The following MAP3K13 variants were observed in gnomAD, a reference collection of about 807,000 sequenced individuals.
MAP3K13 encodes the protein mitogen-activated protein kinase kinase kinase 13.
Under a neutral mutation model 104.0 loss-of-function variants are expected in MAP3K13, and 52 were observed. The ratio of observed to expected loss-of-function variants is 0.50; its 90% confidence interval spans 0.40 to 0.63. MAP3K13 has a LOEUF of 0.63. Among genes scored for constraint, MAP3K13 ranks in the 20% least tolerant of loss-of-function variants. The pLI is 0.00. For synonymous variants in MAP3K13, 394 were observed against 442.2 expected (o/e 0.89, Z 1.37); for missense variants, 914 against 1,218.5 (o/e 0.75, Z 3.72).
chr3:185,385,200 G>C (rs909923787), intron 1 of MAP3K13, among the ~76,000 whole-genome samples: 1 of 152,152 alleles, frequency 6.6e-6, no homozygotes, highest in Non-Finnish European at 1.5e-5. Flanking sequence ...TCTCAGGCTG[G>C]AGTGCAGTGG....
chr3:185,402,744 A>G (rs920786497), intron 1 of MAP3K13, among the ~76,000 whole-genome samples: 3 of 152,188 alleles, frequency 2.0e-5, no homozygotes, highest in African/African-American at 7.2e-5. Flanking sequence ...TTATGTGCGC[A>G]TGTGTAAAAA....
At chr3:185,459,606 T>G (rs1327257720) in intron 7 of MAP3K13, among the ~76,000 whole-genome samples, 4 of 151,918 alleles carry the variant, frequency 2.6e-5, no homozygotes, top group African/African-American at 9.7e-5. Flanking sequence ...CCTGCCATCA[T>G]GCTGGCTAAT....
At chr3:185,372,266 C>T (rs1293957326) in intron 1 of MAP3K13, among the ~76,000 whole-genome samples, 1 of 152,176 alleles carries the variant, frequency 6.6e-6, no homozygotes, top group Non-Finnish European at 1.5e-5. Flanking sequence ...GGCTCAAGAG[C>T]CCATTTACAA....
intron 1 of MAP3K13, among the ~76,000 whole-genome samples, chr3:185,379,923 C>T (rs1242338057): frequency 6.6e-6 from 1 of 151,916 alleles, no homozygotes; most frequent in Non-Finnish European, 1.5e-5. Flanking sequence ...CAGTGGCTCA[C>T]GCCTGTAATC....
chr3:185,307,850 A>C (rs927606363), intron 2 of MAP3K13, among the ~76,000 whole-genome samples: 1 of 151,810 alleles, frequency 6.6e-6, no homozygotes. Context: ...CCTTTAAAAT[A>C]GTTTTTATCT....
At position 185,351,849 on chromosome 3, in the gene MAP3K13, G is replaced by A. The variant is rs547228787; in HGVS notation, c.-86+66206G>A. Among the ~76,000 whole-genome samples the A allele has an allele frequency of 2.0e-5, 3 of 152,292 alleles. No homozygotes were observed. In the South Asian group the frequency reaches 6.2e-4, roughly 32 times the overall value. ...TCATTAGCAACCCTAAAGCAGGCAG[G>A]TAATTCAGGACAGATAGACAGCTTT... On this transcript the variant is annotated intron_variant, in intron 2 of 14. Transcript: ENST00000424227.
rs765725322 is a variant in MAP3K13, at chr3:185,466,865, C to T, written c.1545C>T (p.Tyr515=). Residue 515 remains tyrosine (Y), a synonymous_variant, in exon 10 of 14, where the codon TAC becomes TAT. Transcript: ENST00000265026. ...TGGAAAAGAAGTATCCTGGGACCTA[C>T]AAACGACACCCTGTTCGTCCTATCA... ...QAVEKKYPGT[Y]KRHPVRPIIH... 5.0e-6 allele frequency: 8 copies of T among 1,613,854 alleles called. No individual in the cohort carries two copies. Among genetic ancestry groups the T allele is most frequent in the African/African-American group, 1.3e-5 (1 of 74,914 alleles).
intron 1 of MAP3K13, among the ~76,000 whole-genome samples, chr3:185,285,001 G>C (rs1720459123): frequency 6.6e-6 from 1 of 151,840 alleles, no homozygotes; most frequent in Non-Finnish European, 1.5e-5. Flanking sequence ...GGGTATAGTG[G>C]GGTAGGAAAC....
chr3:185,374,678 G>A lies in MAP3K13; in HGVS notation c.-86+11310G>A, dbSNP rs149987839. Among the ~76,000 whole-genome samples, 599 of 152,012 alleles carry A rather than the reference G, an allele frequency of 3.9e-3. 4 individuals carry two copies. Among genetic ancestry groups the A allele is most frequent in the African/African-American group, 0.014 (572 of 41,482 alleles). ...GCAAGCTTTTAGGCTCTATCTTTGA[G>A]TTTTTTTTAATGTCGTCATATACCA... On this transcript the variant is annotated intron_variant, in intron 1 of 13. Transcript: ENST00000265026.
chr3:185,485,698 A>G lies in MAP3K13; in HGVS notation c.*3242A>G, dbSNP rs570358537. 10 of 152,308 alleles carry G rather than the reference A, an allele frequency of 6.6e-5. No homozygotes were observed. The highest frequency in any genetic ancestry group is 2.4e-4 in the African/African-American group (10 of 41,572). 9.4% of individuals were successfully genotyped at this position (152,308 alleles called of 1,614,324 possible). On this transcript the variant is annotated 3_prime_UTR_variant, in exon 14 of 14. Transcript: ENST00000265026. ...GAGTGCTGTGCCTAATTTACAAATT[A>G]AATTTTATCATAGATATGTAAGTAT...
chr3:185,285,475 T>C, intron 1 of MAP3K13: 1 of 581,606 alleles, frequency 1.7e-6, no homozygotes, highest in South Asian at 2.7e-5. Flanking sequence ...GGTATCTCAG[T>C]GGTACCTTAG....
rs114962588 is a variant in MAP3K13, at chr3:185,309,080, T to G, written c.-86+23437T>G. The stretch of plus-strand genomic sequence containing the variant: ...AGGGCCGCACACTATTCCAGTGTGA[T>G]CTCATCTTAACTTGATTATATCTGC... On this transcript the variant is annotated intron_variant, in intron 2 of 14. Transcript: ENST00000424227. Among the ~76,000 whole-genome samples, 809 of 152,334 alleles carry G rather than the reference T, an allele frequency of 5.3e-3. 12 individuals carry two copies. Among genetic ancestry groups the G allele is most frequent in the African/African-American group, 0.019 (780 of 41,578 alleles).
chr3:185,309,426 C>T (rs9868765), intron 2 of MAP3K13, among the ~76,000 whole-genome samples: 117,295 of 150,902 alleles, frequency 0.78, 46,111 homozygotes, highest in Non-Finnish European at 0.84. Flanking sequence ...GTGCGAGGGT[C>T]GCTTGAGCCC....
intron 1 of MAP3K13, among the ~76,000 whole-genome samples, chr3:185,415,352 T>A (rs940178879): frequency 1.3e-5 from 2 of 151,362 alleles, no homozygotes; most frequent in African/African-American, 4.9e-5. Context: ...GAGATGGGGT[T>A]TTCTCATGTT....
intron 13 of MAP3K13, chr3:185,481,102 A>G (rs1000494998): frequency 5.8e-5 from 9 of 156,070 alleles, no homozygotes; most frequent in Admixed American, 5.6e-4. Context: ...ACACACACAC[A>G]TTGAACTGCT....
chr3:185,308,344 C>T (rs1168327497), intron 2 of MAP3K13, among the ~76,000 whole-genome samples: 3 of 152,060 alleles, frequency 2.0e-5, no homozygotes, highest in Non-Finnish European at 2.9e-5. Flanking sequence ...TCTGGTGTTC[C>T]TACAAGCTGC....
intron 7 of MAP3K13, among the ~76,000 whole-genome samples, chr3:185,457,764 AC>A (rs1716851021): frequency 6.6e-6 from 1 of 151,952 alleles, no homozygotes; most frequent in Non-Finnish European, 1.5e-5. Flanking sequence ...CTATTTTGCT[AC>A]CTCCTAGAAT....
chr3:185,337,563 G>A (rs1038834128), intron 2 of MAP3K13, among the ~76,000 whole-genome samples: 4 of 152,140 alleles, frequency 2.6e-5, no homozygotes, highest in African/African-American at 9.7e-5. Context: ...ACTGATTTCG[G>A]GCCTGTGTTA....
rs1033001862 is a variant in MAP3K13, at chr3:185,447,849, C to T, written c.912C>T (p.Leu304=). The stretch of plus-strand genomic sequence containing the variant: ...CAGATTTTGGTACATCTAAGGAACT[C>T]AGTGACAAAAGTACCAAGATGTCAT... ...KISDFGTSKE[L]SDKSTKMSFA... is the part of the protein sequence containing the mutation. The change falls in exon 5 of 14, where the codon CTC becomes CTT. Residue 304 remains leucine (L), a synonymous_variant. Transcript: ENST00000265026. The T allele has an allele frequency of 6.2e-7, 1 of 1,613,860 alleles. No individual in the cohort carries two copies. The highest frequency in any genetic ancestry group is 8.5e-7 in the Non-Finnish European group (1 of 1,179,814).
Sources: gnomAD v4.1 joint callset for allele counts (sites outside exome capture counted in the v4.1 genomes callset) on GRCh38, gnomAD v4.1.1 for gene constraint, MANE v1.5 for transcripts, NCBI Gene and HGNC (gene_info 2026-07-23, HGNC 2026-07-21) for gene names.